The following OPCML variants were observed in gnomAD, a reference collection of about 807,000 sequenced individuals.
The protein encoded by OPCML is opioid-binding protein/cell adhesion molecule.
OPCML carries 13 observed loss-of-function variants against 37.8 expected under a neutral mutation model. That is an observed-to-expected ratio of 0.34 (90% CI 0.22 to 0.55). OPCML has a LOEUF of 0.55. Among genes scored for constraint, OPCML ranks in the 20% least tolerant of loss-of-function variants. OPCML has a pLI of 0.91. For synonymous variants in OPCML, 176 were observed against 168.8 expected, an observed-to-expected ratio of 1.04 and a Z score of -0.33; for missense variants, 341 against 435.6, an observed-to-expected ratio of 0.78 and a Z score of 1.93.
At chr11:133,467,795 G>A (rs1379317065) in intron 1 of OPCML, among the ~76,000 whole-genome samples, 4 of 152,132 alleles carry the variant, frequency 2.6e-5, no homozygotes, top group African/African-American at 9.7e-5. Context: ...TTGGCCAATT[G>A]CTCAATGAAT....
intron 2 of OPCML, among the ~76,000 whole-genome samples, chr11:132,919,555 G>C (rs1288448043): frequency 6.6e-6 from 1 of 152,166 alleles, no homozygotes; most frequent in Non-Finnish European, 1.5e-5. Flanking sequence ...GTGCCAGGGC[G>C]ATTGGCTGCA....
chr11:133,322,429 T>G, intron 1 of OPCML, among the ~76,000 whole-genome samples: 1 of 152,182 alleles, frequency 6.6e-6, no homozygotes, highest in East Asian at 1.9e-4. Flanking sequence ...TGCAAACAAA[T>G]CGTCTGGCGA....
intron 4 of OPCML, among the ~76,000 whole-genome samples, chr11:132,479,171 G>A (rs1433376418): frequency 6.6e-6 from 1 of 151,906 alleles, no homozygotes; most frequent in Non-Finnish European, 1.5e-5. Flanking sequence ...CAGGTCAGTG[G>A]GTGCATGAGC....
chr11:132,649,974 TG>T (rs1484111048), intron 3 of OPCML, among the ~76,000 whole-genome samples: 1 of 151,892 alleles, frequency 6.6e-6, no homozygotes, highest in Non-Finnish European at 1.5e-5. Context: ...CTGTTTCTTC[TG>T]CAGTCACATG....
At chr11:133,438,825 C>G (rs1292188215) in intron 1 of OPCML, among the ~76,000 whole-genome samples, 1 of 152,122 alleles carries the variant, frequency 6.6e-6, no homozygotes, top group Non-Finnish European at 1.5e-5. Context: ...TTTAATACAT[C>G]AGGCCTATGT....
chr11:133,313,797 G>T (rs911764186), intron 1 of OPCML, among the ~76,000 whole-genome samples: 1 of 152,114 alleles, frequency 6.6e-6, no homozygotes, highest in Admixed American at 6.5e-5. Context: ...TTAGATTTCT[G>T]TGCTATAAAA....
intron 3 of OPCML, among the ~76,000 whole-genome samples, chr11:132,532,818 C>A (rs1463088805): frequency 1.3e-5 from 2 of 152,162 alleles, no homozygotes; most frequent in African/African-American, 2.4e-5. Flanking sequence ...CAGGGCCATG[C>A]ATGCTGCTTG....
At chr11:132,479,221 G>A (rs532175384) in intron 4 of OPCML, among the ~76,000 whole-genome samples, 22 of 152,334 alleles carry the variant, frequency 1.4e-4, no homozygotes, top group Non-Finnish European at 2.4e-4. Context: ...GGAAGTGCAA[G>A]GGGTCAGGGA....
intron 2 of OPCML, among the ~76,000 whole-genome samples, chr11:132,761,822 C>A (rs1244549605): frequency 1.3e-5 from 2 of 152,150 alleles, no homozygotes; most frequent in East Asian, 3.9e-4. Flanking sequence ...ATTGATCAAA[C>A]TCATTCTCCA....
intron 1 of OPCML, among the ~76,000 whole-genome samples, chr11:133,084,845 G>A (rs1206906593): frequency 1.3e-5 from 2 of 152,124 alleles, no homozygotes; most frequent in African/African-American, 2.4e-5. Context: ...AAGCATGAGT[G>A]AGCATCTACC....
At chr11:133,368,246 TGG>T (rs10718404) in intron 1 of OPCML, among the ~76,000 whole-genome samples, 2,426 of 135,052 alleles carry the variant, frequency 0.018, 61 homozygotes, top group African/African-American at 0.06. Context: ...AAAGGTGAGG[TGG>T]GGGGGGGAAG....
rs892509656 is a variant in OPCML at position 133,173,974 on chromosome 11, C to T, written c.62-230964G>A. Among the ~76,000 whole-genome samples the T allele has an allele frequency of 6.6e-6, 1 of 152,334 alleles. No homozygotes were observed. The highest frequency in any genetic ancestry group is 1.5e-5 in the Non-Finnish European group (1 of 68,030). ...TACAAGGATCCCCAGTCAGCCAATG[C>T]ACCGGGACGCTGACATAAATCAGGG... is the stretch of plus-strand genomic sequence containing the variant. On this transcript the variant is annotated intron_variant, in intron 1 of 7. Transcript: ENST00000524381. The surrounding 1 kb of genome is among the most constrained non-coding windows in gnomAD (Gnocchi z 7.8).
chr11:132,661,119 A>G (rs1364462097), intron 2 of OPCML, among the ~76,000 whole-genome samples: 6 of 152,124 alleles, frequency 3.9e-5, no homozygotes, highest in Admixed American at 2.0e-4. Flanking sequence ...TGCCCTAGCC[A>G]CACAGCCCTT....
At chr11:132,665,304 G>A (rs1374243323) in intron 2 of OPCML, among the ~76,000 whole-genome samples, 2 of 152,190 alleles carry the variant, frequency 1.3e-5, no homozygotes, top group East Asian at 3.9e-4. Flanking sequence ...TCTGATGATA[G>A]ATGAGTCCAC....
In OPCML at chr11:133,211,883, A is replaced by C. The variant is rs1321003596; in HGVS notation, c.62-268873T>G. Among the ~76,000 whole-genome samples the C allele has an allele frequency of 6.6e-6, 1 of 152,226 alleles. No individual in the cohort carries two copies. The highest frequency in any genetic ancestry group is 1.9e-4 in the East Asian group (1 of 5,198). On this transcript the variant is annotated intron_variant, in intron 1 of 7. Transcript: ENST00000524381. This position sits in a 1 kb window ranked among gnomAD's most constrained non-coding sequence, Gnocchi z 4.1. The stretch of plus-strand genomic sequence containing the variant: ...TTCAAGATAGGGAGTTAAAGAATGC[A>C]AAGTTGAAGCCAAGACTGTCTGCTT...
At chr11:132,587,295 T>C (rs1409840372) in intron 3 of OPCML, among the ~76,000 whole-genome samples, 1 of 152,194 alleles carries the variant, frequency 6.6e-6, no homozygotes, top group East Asian at 1.9e-4. Context: ...ATTAGGTGGT[T>C]TAGGAAGAGA....
intron 1 of OPCML, among the ~76,000 whole-genome samples, chr11:133,062,768 C>T (rs1341398549): frequency 6.6e-6 from 1 of 152,238 alleles, no homozygotes; most frequent in Non-Finnish European, 1.5e-5. Flanking sequence ...CCTCAGCAAC[C>T]CTGTCATTGA....
intron 4 of OPCML, among the ~76,000 whole-genome samples, chr11:132,452,839 C>A (rs991350720): frequency 6.6e-6 from 1 of 152,148 alleles, no homozygotes; most frequent in African/African-American, 2.4e-5. Flanking sequence ...AGACGGGCAG[C>A]CCCAACAAAT....
At chr11:132,820,080 AAT>A (rs1939885108) in intron 2 of OPCML, among the ~76,000 whole-genome samples, 1 of 152,002 alleles carries the variant, frequency 6.6e-6, no homozygotes, top group Non-Finnish European at 1.5e-5. Context: ...TGAATGAATG[AAT>A]GAATGAATGA....
Sources: allele counts gnomAD v4.1 joint callset (sites outside exome capture counted in the v4.1 genomes callset), GRCh38; gene constraint gnomAD v4.1.1; non-coding constraint Gnocchi (gnomAD v3.1); transcripts MANE v1.5; gene names NCBI Gene and HGNC (gene_info 2026-07-23, HGNC 2026-07-21).